Variants in PCDHGA8 observed in about 807,000 individuals in gnomAD.
PCDHGA8 encodes the protein protocadherin gamma subfamily A, 8.
A neutral mutation model predicts 59.2 loss-of-function variants in PCDHGA8; 45 were observed. The ratio of observed to expected loss-of-function variants is 0.76; its 90% CI spans 0.60 to 0.98. PCDHGA8 has a LOEUF of 0.98. Among genes scored for constraint, PCDHGA8 ranks in the 50% least tolerant of loss-of-function variants. The pLI is 0.00. For missense variants in PCDHGA8, 1,257 were observed against 1,196.2 expected (o/e 1.05, Z -0.75); for synonymous variants, 531 against 519.0 (o/e 1.02, Z -0.32).
In PCDHGA8 at chr5:141,485,275, G is replaced by C. The variant is rs77402299; in HGVS notation, c.2425-9532G>C. ...ACGTTTGTGGGCAGATCCGCTACCC[G>C]GTCCCAGAGGAGTCACAGGAAGGGA... On this transcript the variant is annotated intron_variant, in intron 1 of 3. Transcript: ENST00000398604. The surrounding 1 kb of genome is among the most constrained non-coding windows in gnomAD (Gnocchi z 5.7). The C allele has an allele frequency of 2.5e-6, 4 of 1,614,072 alleles. No individual in the cohort carries two copies. Among genetic ancestry groups the C allele is most frequent in the Admixed American group, 1.7e-5 (1 of 60,024 alleles).
intron 1 of PCDHGA8, among the ~76,000 whole-genome samples, chr5:141,465,347 G>A (rs2099101721): frequency 6.6e-6 from 1 of 151,938 alleles, no homozygotes; most frequent in South Asian, 2.1e-4. Context: ...GGTTACTGAA[G>A]AAAAAATGGG....
Position 141,501,940 on chromosome 5 carries a change from C to T in PCDHGA8, c.2484-3453C>T, listed in dbSNP as rs565207980. Among the ~76,000 whole-genome samples the T allele has an allele frequency of 2.6e-5, 4 of 152,250 alleles. No individual in the cohort carries two copies. In the East Asian group the frequency reaches 7.7e-4, roughly 29 times the overall value. On this transcript the variant is annotated intron_variant, in intron 2 of 3. Transcript: ENST00000398604. ...CAGCTTTGTTCCCTCAACACCACTG[C>T]TCCCTGTGACAGGTCATCCTCCTAA...
At chr5:141,510,322 A>G (rs62379243) in intron 3 of PCDHGA8, among the ~76,000 whole-genome samples, 36,300 of 150,290 alleles carry the variant, frequency 0.24, 4,456 homozygotes, top group Admixed American at 0.32. Flanking sequence ...TTGGAAGAGC[A>G]CTCTTCACCC....
At chr5:141,399,656 T>G in intron 1 of PCDHGA8, 1 of 1,613,694 alleles carries the variant, frequency 6.2e-7, no homozygotes, top group Non-Finnish European at 8.5e-7. Context: ...AGTGGGGTGG[T>G]GTTCGCGCAG....
chr5:141,509,872 G>T (rs968745661), intron 3 of PCDHGA8, among the ~76,000 whole-genome samples: 16 of 152,166 alleles, frequency 1.1e-4, no homozygotes, highest in Non-Finnish European at 1.5e-5. Context: ...CCAAGCTGCT[G>T]GTGGTGATGG....
rs1255326344 is a variant in PCDHGA8, at chr5:141,431,636, A to G, written c.2424+36399A>G. 6.2e-7 allele frequency: 1 copy of G among 1,614,254 alleles called. No homozygotes were observed. ...GGACGACAAGGCGGCCCAAGTTTTC[A>G]AACTAGATTGTAATTCAGGGACAAT... On this transcript the variant is annotated intron_variant, in intron 1 of 3. Transcript: ENST00000398604. This position sits in a 1 kb window ranked among gnomAD's most constrained non-coding sequence, Gnocchi z 4.8.
chr5:141,410,645 A>G (rs755117096), intron 1 of PCDHGA8: 11 of 1,597,402 alleles, frequency 6.9e-6, no homozygotes, highest in Non-Finnish European at 9.3e-6. Flanking sequence ...TTTGTGTGTG[A>G]TTTATCTAAT....
chr5:141,423,672 T>A, intron 1 of PCDHGA8: 2 of 1,549,982 alleles, frequency 1.3e-6, no homozygotes, highest in Non-Finnish European at 1.7e-6. Context: ...TGAGATTTAT[T>A]TCTCTGCCTC....
intron 1 of PCDHGA8, among the ~76,000 whole-genome samples, chr5:141,406,035 T>C (rs989362338): frequency 4.6e-5 from 7 of 151,898 alleles, no homozygotes; most frequent in Non-Finnish European, 1.0e-4. Flanking sequence ...GGTTGCTTCA[T>C]TGGTTGCAGT....
Position 141,394,948 on chromosome 5 carries a change from T to C in PCDHGA8, c.2135T>C (p.Leu712Pro), listed in dbSNP as rs753376472. ...CVFLAFVAVL[L>P]GLRLRRWHKS... ...TTCCTCGCCTTTGTCGCTGTGCTTC[T>C]GGGGCTCAGGCTGAGGCGCTGGCAC... The change falls in exon 1 of 4, where the codon CTG (leucine) becomes CCG (proline). Residue 712 changes from leucine (L) to proline (P), a missense_variant. By Grantham distance (98) the Leu-to-Pro change is moderately conservative. Coordinates refer to ENST00000398604, the MANE Select transcript of PCDHGA8 (RefSeq NM_032088.2). 1 of 1,613,884 alleles carries C rather than the reference T, an allele frequency of 6.2e-7. No individual in the cohort carries two copies. The highest frequency in any genetic ancestry group is 1.7e-5 in the Admixed American group (1 of 60,016).
At chr5:141,405,596 A>T (rs1024672340) in intron 1 of PCDHGA8, 2 of 578,622 alleles carry the variant, frequency 3.5e-6, no homozygotes, top group Admixed American at 6.3e-5. Flanking sequence ...AGGCCTCCCA[A>T]GTAGAATAAC....
intron 3 of PCDHGA8, among the ~76,000 whole-genome samples, chr5:141,510,354 G>A (rs1311482557): frequency 2.1e-5 from 3 of 146,300 alleles, no homozygotes; most frequent in Non-Finnish European, 4.5e-5. Flanking sequence ...ACTTACTAAC[G>A]GAACTACCGA....
At chr5:141,495,020 C>G in intron 2 of PCDHGA8, 155 bp downstream of exon 2, 1 of 976,790 alleles carries the variant, frequency 1.0e-6, no homozygotes, top group Non-Finnish European at 1.2e-6. Context: ...GGCTGGCACA[C>G]AGACCCCGGA....
chr5:141,409,481 A>G (rs1589715212), intron 1 of PCDHGA8: 1 of 1,613,968 alleles, frequency 6.2e-7, no homozygotes, highest in Non-Finnish European at 8.5e-7. Context: ...AGCCACTGAC[A>G]GGGGCAAGCC....
chr5:141,510,978 G>A lies in PCDHGA8; in HGVS notation c.2604G>A (p.Gly868=), dbSNP rs2099883535. 1.2e-6 allele frequency: 2 copies of A among 1,614,160 alleles called. No homozygotes were observed. The change falls in exon 4 of 4, where the codon GGG becomes GGA. Residue 868 remains glycine, a synonymous_variant. Transcript: ENST00000398604. The part of the protein sequence containing the change: ...EAADGSSTLG[G]GAGTMGLSAR... Reference sequence around the variant, plus strand: ...CTGATGGGAGCTCCACCCTGGGAGGGGGTGCCGGCACCATGGGATTGAGCG... The same window carrying A: ...CTGATGGGAGCTCCACCCTGGGAGGAGGTGCCGGCACCATGGGATTGAGCG...
intron 1 of PCDHGA8, chr5:141,398,164 AG>A (rs970849138): frequency 6.8e-7 from 1 of 1,481,390 alleles, no homozygotes; most frequent in African/African-American, 1.4e-5. Context: ...CCGGGCTGAG[AG>A]GCTGCCAGTG....
At chr5:141,415,871 G>T (rs2095966585) in intron 1 of PCDHGA8, 2 of 1,074,308 alleles carry the variant, frequency 1.9e-6, no homozygotes, top group South Asian at 2.3e-5. Context: ...TAGTGTTGTT[G>T]AGTACAATAT....
chr5:141,483,660 G>GTCTGTA (rs2099584988), intron 1 of PCDHGA8, among the ~76,000 whole-genome samples: 1 of 152,094 alleles, frequency 6.6e-6, no homozygotes, highest in Non-Finnish European at 1.5e-5. Context: ...GTGTGTGTGT[G>GTCTGTA]TGTGTGTGTA....
intron 1 of PCDHGA8, chr5:141,414,696 A>T: frequency 6.2e-7 from 1 of 1,613,982 alleles, no homozygotes; most frequent in Non-Finnish European, 8.5e-7. Flanking sequence ...CTCTGTCCTC[A>T]TACATATCCA....
Sources: allele counts gnomAD v4.1 joint callset (sites outside exome capture counted in the v4.1 genomes callset), GRCh38; gene constraint gnomAD v4.1.1; non-coding constraint Gnocchi (gnomAD v3.1); transcripts MANE v1.5; gene names NCBI Gene and HGNC (gene_info 2026-07-23, HGNC 2026-07-21).